PLEKHA6: variants seen among roughly 807,000 people sequenced by gnomAD.
PLEKHA6 encodes the protein pleckstrin homology domain containing A6, also known as pleckstrin homology domain-containing family A member 6.
Under a neutral mutation model 116.7 loss-of-function variants are expected in PLEKHA6, and 60 were observed. The ratio of observed to expected loss-of-function variants is 0.51; its 90% CI spans 0.42 to 0.64. PLEKHA6 has a LOEUF of 0.64. PLEKHA6 is among the 30% of genes least tolerant of loss of function. The probability of loss-of-function intolerance (pLI) is 0.00; values close to 1 mark genes in which losing one functional copy is unlikely to be tolerated. For synonymous variants in PLEKHA6, 489 were observed against 556.1 expected (o/e 0.88, Z 1.70); for missense variants, 1,338 against 1,422.7 (o/e 0.94, Z 0.96).
intron 1 of PLEKHA6, among the ~76,000 whole-genome samples, chr1:204,335,709 C>T (rs1672623652): frequency 1.3e-5 from 2 of 152,026 alleles, no homozygotes; most frequent in East Asian, 1.9e-4. Flanking sequence ...ATGTCATTCC[C>T]TCCCCTTTTC....
intron 1 of PLEKHA6, chr1:204,280,356 GCA>G: frequency 3.0e-6 from 3 of 985,304 alleles, no homozygotes; most frequent in Non-Finnish European, 3.6e-6. Flanking sequence ...GTTTACACAT[GCA>G]CACACACTCC....
chr1:204,257,507 G>C lies in PLEKHA6; in HGVS notation c.1370C>G (p.Pro457Arg). 6.3e-7 allele frequency: 1 copy of C among 1,587,340 alleles called. No individual in the cohort carries two copies. Among genetic ancestry groups the C allele is most frequent in the East Asian group, 2.3e-5 (1 of 43,900 alleles). Residue 457 changes from proline (P) to arginine (R), a missense_variant, in exon 9 of 23, where the codon CCC becomes CGC. Pro to Arg is a moderately radical substitution (Grantham distance 103). Around this residue, in one of 3 missense-constraint regions of PLEKHA6, gnomAD observed 1,136 missense variants for 1,163.6 expected, o/e 0.98. Coordinates refer to ENST00000272203, the MANE Select transcript of PLEKHA6 (RefSeq NM_014935.5). The surrounding 1 kb of genome is among the most constrained non-coding windows in gnomAD (Gnocchi z 6.5). ...LSLQPRSHSV[P>R]RSPSQGSYSR... ...GTAGGAGCCCTGGCTGGGTGAGCGG[G>C]GCACAGAGTGGGAGCGGGGCTGCAG... is the stretch of plus-strand genomic sequence containing the variant.
At position 204,259,838 on chromosome 1, in the gene PLEKHA6, G is replaced by C. The variant is rs1286738091; in HGVS notation, c.525-98C>G. ...GGAAGAAGAGGAGTGGGGAAGGATG[G>C]GCAGGGAGGTGGCTGGAACCAGGAT... On this transcript the variant is annotated intron_variant, in intron 7 of 22. Transcript: ENST00000272203. This position sits in a 1 kb window ranked among gnomAD's most constrained non-coding sequence, Gnocchi z 4.6. The C allele has an allele frequency of 4.5e-6, 6 of 1,326,478 alleles. No homozygotes were observed. Among genetic ancestry groups the C allele is most frequent in the Non-Finnish European group, 6.1e-6 (6 of 980,888 alleles). 82.2% of individuals were successfully genotyped at this position (1,326,478 alleles called of 1,614,324 possible).
chr1:204,269,110 C>T (rs924169823), intron 3 of PLEKHA6, among the ~76,000 whole-genome samples: 3 of 151,864 alleles, frequency 2.0e-5, no homozygotes, highest in South Asian at 2.1e-4. Context: ...AGCCCCTCTG[C>T]GGCTAACATC....
At chr1:204,229,824 A>G (rs905289489) in intron 18 of PLEKHA6, among the ~76,000 whole-genome samples, 2 of 152,234 alleles carry the variant, frequency 1.3e-5, no homozygotes, top group Admixed American at 1.3e-4. Flanking sequence ...TCTAAAATTT[A>G]ATGGAAAGAA....
At chr1:204,351,206 G>A (rs899225895) in intron 1 of PLEKHA6, among the ~76,000 whole-genome samples, 1 of 152,216 alleles carries the variant, frequency 6.6e-6, no homozygotes, top group Non-Finnish European at 1.5e-5. Flanking sequence ...GGTGTGGCGG[G>A]GGGGAGGTGG....
chr1:204,352,279 G>A (rs2103367130), intron 1 of PLEKHA6, among the ~76,000 whole-genome samples: 1 of 151,792 alleles, frequency 6.6e-6, no homozygotes, highest in East Asian at 1.9e-4. Flanking sequence ...GGAGGCTGAG[G>A]CAGGAGAATT....
At chr1:204,297,222 T>C in intron 1 of PLEKHA6, 2 of 981,132 alleles carry the variant, frequency 2.0e-6, no homozygotes, top group Non-Finnish European at 2.4e-6. Context: ...ATTTAACTCC[T>C]AAACACTACC....
rs755647759 is a variant in PLEKHA6 at position 204,290,317 on chromosome 1, TTGGCATA to T, written c.-94-15515_-94-15509del. 3.8e-4 allele frequency among the ~76,000 whole-genome samples: 58 copies of T among 152,364 alleles called. No homozygotes were observed. In the Middle Eastern group the frequency reaches 0.014, roughly 36 times the overall value. On this transcript the variant is annotated intron_variant, in intron 1 of 22. Coordinates refer to ENST00000272203, the MANE Select transcript of PLEKHA6 (RefSeq NM_014935.5). ...CTACAGTTATCAAGACAATGTAGTGTTGGCATAAAGACACATATATAGATAAATGGAA... is the reference window on the plus strand; with the variant it reads ...CTACAGTTATCAAGACAATGTAGTGTAAGACACATATATAGATAAATGGAA...
At chr1:204,327,458 C>T (rs1211778378) in intron 1 of PLEKHA6, among the ~76,000 whole-genome samples, 2 of 152,244 alleles carry the variant, frequency 1.3e-5, no homozygotes, top group Non-Finnish European at 2.9e-5. Flanking sequence ...TTGATGCCGA[C>T]GGGCCCCTTC....
At chr1:204,237,117 T>C (rs1056768993) in intron 17 of PLEKHA6, among the ~76,000 whole-genome samples, 2 of 152,208 alleles carry the variant, frequency 1.3e-5, no homozygotes, top group African/African-American at 4.8e-5. Flanking sequence ...GGTCCTCCAG[T>C]TAAAGTAGGA....
chr1:204,344,620 A>C (rs1356939351), intron 1 of PLEKHA6, among the ~76,000 whole-genome samples: 3 of 150,516 alleles, frequency 2.0e-5, no homozygotes, highest in African/African-American at 7.3e-5. Context: ...AAAAAAAAGA[A>C]ATATTTAAAA....
chr1:204,374,945 AT>A (rs35630599), intron 1 of PLEKHA6, among the ~76,000 whole-genome samples: 5 of 152,046 alleles, frequency 3.3e-5, no homozygotes, highest in Non-Finnish European at 7.4e-5. Flanking sequence ...TCCACTAGGC[AT>A]TTTTTAGCCT....
chr1:204,343,353 T>G lies in PLEKHA6; in HGVS notation c.-95+16341A>C, dbSNP rs561160468. ...GTTCCAAGCTTTTTACATGTATTAA[T>G]GTATTTAACCCTCTCAACAACTCTA... On this transcript the variant is annotated intron_variant, in intron 1 of 22. Coordinates refer to ENST00000272203, the MANE Select transcript of PLEKHA6 (RefSeq NM_014935.5). Among the ~76,000 whole-genome samples, 12 of 152,324 alleles carry G rather than the reference T, an allele frequency of 7.9e-5. No homozygotes were observed. The South Asian group carries it at 2.5e-3, about 32-fold the overall frequency.
At chr1:204,294,944 A>G (rs1192822475) in intron 1 of PLEKHA6, among the ~76,000 whole-genome samples, 1 of 152,230 alleles carries the variant, frequency 6.6e-6, no homozygotes, top group Non-Finnish European at 1.5e-5. Context: ...TTTTGATTAT[A>G]AAACCCCTCA....
chr1:204,227,283 C>T (rs1266256486), intron 21 of PLEKHA6, among the ~76,000 whole-genome samples: 1 of 152,190 alleles, frequency 6.6e-6, no homozygotes, highest in African/African-American at 2.4e-5. Context: ...CTCTCACTCT[C>T]ACTCTACCTC....
intron 1 of PLEKHA6, among the ~76,000 whole-genome samples, chr1:204,376,705 C>CAAATGAAGGGG (rs1558207819): frequency 6.6e-6 from 1 of 152,176 alleles, no homozygotes; most frequent in Non-Finnish European, 1.5e-5. Flanking sequence ...TATCTCTGGA[C>CAAATGAAGGGG]CTCAGTTCCC....
In PLEKHA6 at chr1:204,347,083, C is replaced by T. The variant is rs149178501; in HGVS notation, c.-95+12611G>A. The T allele has an allele frequency of 3.6e-4, 489 of 1,371,896 alleles. 8 individuals are homozygous for T. In the East Asian group the frequency reaches 0.011, roughly 30 times the overall value. 85.0% of individuals were successfully genotyped at this position (1,371,896 alleles called of 1,614,324 possible). On this transcript the variant is annotated intron_variant, in intron 1 of 22. Coordinates refer to ENST00000272203, the MANE Select transcript of PLEKHA6 (RefSeq NM_014935.5). ...AACATTGTAGACTCTTCCAGTTTTG[C>T]CGTGGTAACGCGTGTGGGGCATTCC...
At chr1:204,249,024 T>G in intron 11 of PLEKHA6, 54 bp from the exon 12 acceptor site, 1 of 1,592,772 alleles carries the variant, frequency 6.3e-7, no homozygotes, top group Non-Finnish European at 8.6e-7. Flanking sequence ...CTCTCTGGGA[T>G]TGAACAGCAG....
Sources: gnomAD v4.1 joint callset for allele counts (sites outside exome capture counted in the v4.1 genomes callset) on GRCh38, gnomAD v4.1.1 for gene constraint, gnomAD v4.1.1 regional missense constraint, Gnocchi (gnomAD v3.1) non-coding constraint, MANE v1.5 for transcripts, NCBI Gene and HGNC (gene_info 2026-07-23, HGNC 2026-07-21) for gene names.